The following HERC2 variants were observed in gnomAD, a reference collection of about 807,000 sequenced individuals.
The protein encoded by HERC2 is E3 ubiquitin-protein ligase HERC2.
HERC2 carries 102 observed loss-of-function variants against 537.7 expected under a neutral mutation model. That is an observed-to-expected ratio of 0.19 (90% CI 0.16 to 0.22). HERC2 has a LOEUF of 0.22. Among genes scored for constraint, HERC2 ranks in the 10% least tolerant of loss-of-function variants. HERC2 has a pLI of 1.00. For synonymous variants in HERC2, 2,224 were observed against 2,466.2 expected, an observed-to-expected ratio of 0.90 and a Z score of 2.91; for missense variants, 4,236 against 6,198.2, an observed-to-expected ratio of 0.68 and a Z score of 10.63.
intron 70 of HERC2, among the ~76,000 whole-genome samples, chr15:28,149,289 C>T (rs1278101515): frequency 6.6e-6 from 1 of 151,304 alleles, no homozygotes; most frequent in Non-Finnish European, 1.5e-5. Context: ...ACCGAAAAAA[C>T]ACACGCAGCT....
chr15:28,280,767 G>A (rs964552787), intron 4 of HERC2, among the ~76,000 whole-genome samples: 6 of 151,964 alleles, frequency 3.9e-5, no homozygotes, highest in East Asian at 1.9e-4. Flanking sequence ...AAAATTAGCC[G>A]AGTGTGGTGA....
chr15:28,305,766 C>T (rs11074330), intron 2 of HERC2, among the ~76,000 whole-genome samples: 99 of 142,804 alleles, frequency 6.9e-4, no homozygotes, highest in African/African-American at 2.5e-3. Context: ...AGAAAATTTT[C>T]GCAACCTACT....
chr15:28,142,571 C>T (rs1273591322), intron 75 of HERC2, 178 bp from the exon 76 acceptor site: 1 of 666,720 alleles, frequency 1.5e-6, no homozygotes, highest in Non-Finnish European at 2.6e-6. Flanking sequence ...ACGTGCCACA[C>T]AACTGCTGCA....
At chr15:28,227,207 G>A (rs774594747) in intron 35 of HERC2, among the ~76,000 whole-genome samples, 3 of 152,074 alleles carry the variant, frequency 2.0e-5, no homozygotes, top group African/African-American at 4.8e-5. Flanking sequence ...CCCGGGAGGC[G>A]GAGGTTGCAG....
At chr15:28,138,381 G>A (rs1360711820) in intron 78 of HERC2, among the ~76,000 whole-genome samples, 1 of 152,174 alleles carries the variant, frequency 6.6e-6, no homozygotes, top group South Asian at 2.1e-4. Flanking sequence ...TATTTTGTTA[G>A]GGGCTAATGC....
intron 83 of HERC2, among the ~76,000 whole-genome samples, chr15:28,127,329 A>T (rs1217987566): frequency 6.6e-6 from 1 of 152,236 alleles, no homozygotes; most frequent in Non-Finnish European, 1.5e-5. Flanking sequence ...CCCCACATGC[A>T]AGGGGAGGAG....
intron 86 of HERC2, among the ~76,000 whole-genome samples, chr15:28,118,667 C>G (rs1888543946): frequency 6.6e-6 from 1 of 152,184 alleles, no homozygotes; most frequent in Admixed American, 6.5e-5. Context: ...TCTTGGGAGG[C>G]GTGTCCCTGA....
At chr15:28,267,081 T>C (rs1394070586) in intron 12 of HERC2, among the ~76,000 whole-genome samples, 3 of 152,204 alleles carry the variant, frequency 2.0e-5, no homozygotes, top group Non-Finnish European at 4.4e-5. Flanking sequence ...AAATACCCTA[T>C]TCTTAGGATC....
At chr15:28,128,450 T>A (rs776429164) in intron 83 of HERC2, among the ~76,000 whole-genome samples, 6 of 152,204 alleles carry the variant, frequency 3.9e-5, no homozygotes, top group Non-Finnish European at 8.8e-5. Context: ...GTGATTTGTC[T>A]CAAAATTTAA....
intron 44 of HERC2, among the ~76,000 whole-genome samples, chr15:28,210,166 C>T (rs7173814): frequency 0.077 from 11,657 of 151,800 alleles, 1,541 homozygotes; most frequent in African/African-American, 0.27. Context: ...CAGAGTCTTG[C>T]TCTGTCGTCC....
In HERC2 at chr15:28,122,310, G is replaced by T. The variant is rs1276059142; in HGVS notation, c.13189-881C>A. On this transcript the variant is annotated intron_variant, in intron 85 of 92. Transcript: ENST00000261609. The surrounding 1 kb of genome is among the most constrained non-coding windows in gnomAD (Gnocchi z 4.1). ...GTGCCAATGGAAAGGGATGAGACAG[G>T]TCAGCAGGGGTCTCAGCTCTCTTGG... is the stretch of plus-strand genomic sequence containing the variant. Among the ~76,000 whole-genome samples, 1 of 152,230 alleles carries T rather than the reference G, an allele frequency of 6.6e-6. No homozygotes were observed. The highest frequency in any genetic ancestry group is 1.5e-5 in the Non-Finnish European group (1 of 68,038).
chr15:28,130,431 A>G, intron 82 of HERC2, 72 bp downstream of exon 82: 1 of 1,580,158 alleles, frequency 6.3e-7, no homozygotes, highest in Non-Finnish European at 8.7e-7. Context: ...ATTCCCATCC[A>G]TGAAAAGGTG....
intron 92 of HERC2, 108 bp downstream of exon 92, chr15:28,112,963 G>C: frequency 1.2e-6 from 1 of 808,190 alleles, no homozygotes; most frequent in South Asian, 1.7e-5. Context: ...TTTCTGTAAA[G>C]ACTCAAGAGG....
intron 70 of HERC2, among the ~76,000 whole-genome samples, chr15:28,150,045 T>C (rs527604154): frequency 6.7e-6 from 1 of 150,050 alleles, no homozygotes; most frequent in South Asian, 2.1e-4. Flanking sequence ...ACGTGACTTC[T>C]AACCAAGAAC....
rs767893691 is a variant in HERC2 at position 28,176,753 on chromosome 15, C to A, written c.9448G>T (p.Gly3150Cys). 3 of 1,613,850 alleles carry A rather than the reference C, an allele frequency of 1.9e-6. No individual in the cohort carries two copies. Among genetic ancestry groups the A allele is most frequent in the Non-Finnish European group, 2.5e-6 (3 of 1,179,904 alleles). Reference protein sequence around the residue: ...LKPKMVKVLLGHRVIQVACGS... With the variant: ...LKPKMVKVLLCHRVIQVACGS... ...CATGCAACCTGGATTACTCTGTGAC[C>A]GAGAAGGACTTTCACCTACTCAATT... Residue 3150 changes from glycine to cysteine, a missense_variant, in exon 62 of 93, where the codon GGT (glycine) becomes TGT (cysteine). This residue lies in a region of HERC2 where 606 missense variants were observed against 884.5 expected (regional missense o/e 0.69). Coordinates refer to ENST00000261609, the MANE Select transcript of HERC2 (RefSeq NM_004667.6). This position sits in a 1 kb window ranked among gnomAD's most constrained non-coding sequence, Gnocchi z 5.0.
At position 28,280,152 on chromosome 15, in the gene HERC2, G is replaced by A; in HGVS notation, c.458C>T (p.Ala153Val). The change falls in exon 5 of 93, where the codon GCC becomes GTC. Residue 153 changes from alanine (A) to valine (V), a missense_variant. Transcript: ENST00000261609. Reference protein sequence around the residue: ...RLVILERYFIALNRTVFQENV... With the variant: ...RLVILERYFIVLNRTVFQENV... ...CTCCTGAAAAACGGTTCTATTCAAG[G>A]CAATGAAATAGCGCTCCAAGATCAC... 4.3e-6 allele frequency: 7 copies of A among 1,614,144 alleles called. No homozygotes were observed. The highest frequency in any genetic ancestry group is 5.9e-6 in the Non-Finnish European group (7 of 1,180,020).
At chr15:28,179,244 CAAAA>C (rs577769279) in intron 57 of HERC2, 21 bp from the exon 58 acceptor site, 1 of 1,353,960 alleles carries the variant, frequency 7.4e-7, no homozygotes, top group Non-Finnish European at 1.0e-6. Context: ...ATTTTTTTAA[CAAAA>C]AAAAAAGAAA....
Position 28,124,281 on chromosome 15 carries a change from C to T in HERC2, c.12991-47G>A, listed in dbSNP as rs377062883. 3.3e-5 allele frequency: 42 copies of T among 1,285,872 alleles called. 1 individual carries two copies. The South Asian group carries it at 4.9e-4, about 15-fold the overall frequency. 79.7% of individuals were successfully genotyped at this position (1,285,872 alleles called of 1,614,324 possible). Reference sequence around the variant, plus strand: ...CAGCCCCTCAGGCACCAAAGGCACACGGGGGCCAGTGTGGCATCCATTAAG... The same window carrying T: ...CAGCCCCTCAGGCACCAAAGGCACATGGGGGCCAGTGTGGCATCCATTAAG... On this transcript the variant is annotated intron_variant, in intron 84 of 92. Transcript: ENST00000261609.
At chr15:28,292,801 C>T in intron 4 of HERC2, 87 bp downstream of exon 4, 1 of 1,330,698 alleles carries the variant, frequency 7.5e-7, no homozygotes, top group Non-Finnish European at 1.0e-6. Flanking sequence ...AAAATTGTTA[C>T]CAAAAAAATA....
Sources: gnomAD v4.1 joint callset for allele counts (sites outside exome capture counted in the v4.1 genomes callset) on GRCh38, gnomAD v4.1.1 for gene constraint, gnomAD v4.1.1 regional missense constraint, Gnocchi (gnomAD v3.1) non-coding constraint, MANE v1.5 for transcripts, NCBI Gene and HGNC (gene_info 2026-07-23, HGNC 2026-07-21) for gene names.